ST3GAL3: variants seen among roughly 807,000 people sequenced by gnomAD.
ST3GAL3 encodes the protein ST3 beta-galactoside alpha-2,3-sialyltransferase 3, also known as CMP-N-acetylneuraminate-beta-1,4-galactoside alpha-2,3-sialyltransferase.
ST3GAL3 carries 21 observed loss-of-function variants against 50.1 expected under a neutral mutation model. The observed-to-expected ratio is 0.42, with a 90% CI of 0.30 to 0.60. The LOEUF is 0.60. Ranked by LOEUF, ST3GAL3 falls within the 20% of genes least tolerant of loss-of-function variation. ST3GAL3 has a pLI of 0.19. For synonymous variants in ST3GAL3, 183 were observed against 190.0 expected (o/e 0.96, Z 0.30); for missense variants, 353 against 489.4 (o/e 0.72, Z 2.63).
At chr1:43,887,507 T>G (rs562973056) in intron 5 of ST3GAL3, among the ~76,000 whole-genome samples, 2 of 152,256 alleles carry the variant, frequency 1.3e-5, no homozygotes, top group African/African-American at 4.8e-5. Flanking sequence ...TATTGGAGAT[T>G]AATATTTTCA....
chr1:43,766,782 CAG>C (rs1693208630), intron 2 of ST3GAL3, among the ~76,000 whole-genome samples: 1 of 152,182 alleles, frequency 6.6e-6, no homozygotes, highest in African/African-American at 2.4e-5. Flanking sequence ...ATTAACAACA[CAG>C]AGGTCTCTTC....
At chr1:43,862,953 A>G (rs2070376390) in intron 5 of ST3GAL3, among the ~76,000 whole-genome samples, 1 of 152,056 alleles carries the variant, frequency 6.6e-6, no homozygotes, top group South Asian at 2.1e-4. Flanking sequence ...GGCTCTAAGG[A>G]CATATTAAAT....
intron 5 of ST3GAL3, among the ~76,000 whole-genome samples, chr1:43,875,125 G>T (rs1410110975): frequency 1.3e-5 from 2 of 152,178 alleles, no homozygotes; most frequent in East Asian, 3.8e-4. Flanking sequence ...TATAATGATT[G>T]ATTTGGAATT....
intron 5 of ST3GAL3, among the ~76,000 whole-genome samples, chr1:43,853,174 G>A (rs1186691770): frequency 1.3e-5 from 2 of 152,144 alleles, no homozygotes; most frequent in African/African-American, 4.8e-5. Flanking sequence ...GGGCCACTCG[G>A]TATTGGGAGA....
chr1:43,924,817 G>A (rs2083625679), intron 11 of ST3GAL3, among the ~76,000 whole-genome samples: 2 of 152,220 alleles, frequency 1.3e-5, no homozygotes, highest in Non-Finnish European at 2.9e-5. Flanking sequence ...TAAGACCTAG[G>A]GATTGCCTTG....
chr1:43,923,986 C>A (rs1424886032), intron 11 of ST3GAL3, among the ~76,000 whole-genome samples: 1 of 152,042 alleles, frequency 6.6e-6, no homozygotes, highest in South Asian at 2.1e-4. Flanking sequence ...TCCCCAAAGG[C>A]CCCCACCTCC....
intron 5 of ST3GAL3, chr1:43,879,519 A>C (rs1250732022): frequency 4.8e-6 from 2 of 420,742 alleles, no homozygotes; most frequent in Non-Finnish European, 4.8e-6. Flanking sequence ...TAAGTGGGTG[A>C]ATTTAGAATA....
Position 43,734,797 on chromosome 1 carries a change from A to G in ST3GAL3, c.-30-1436A>G, listed in dbSNP as rs535632950. On this transcript the variant is annotated intron_variant, in intron 1 of 11. Coordinates refer to ENST00000347631, the MANE Select transcript of ST3GAL3 (RefSeq NM_006279.5). ...AATTATAATGTTTTGTCACACCATT[A>G]TTAATATTTATACATCATTTTTTTC... is the stretch of plus-strand genomic sequence containing the variant. 3.4e-4 allele frequency among the ~76,000 whole-genome samples: 51 copies of G among 152,198 alleles called. 1 individual carries two copies. Among genetic ancestry groups the G allele is most frequent in the African/African-American group, 1.2e-3 (48 of 41,530 alleles).
intron 1 of ST3GAL3, among the ~76,000 whole-genome samples, chr1:43,708,316 C>G (rs555358401): frequency 6.6e-6 from 1 of 152,288 alleles, no homozygotes; most frequent in Admixed American, 6.5e-5. Context: ...TTTATGATTC[C>G]TCAGTAAGCC....
At chr1:43,817,727 T>C (rs1205109089) in intron 4 of ST3GAL3, among the ~76,000 whole-genome samples, 2 of 100,722 alleles carry the variant, frequency 2.0e-5, no homozygotes, top group East Asian at 4.2e-4. Flanking sequence ...CTCCTTCTCC[T>C]CCTCCCCCTC....
chr1:43,758,174 A>AC (rs926600115), intron 2 of ST3GAL3, among the ~76,000 whole-genome samples: 45 of 74,038 alleles, frequency 6.1e-4, no homozygotes, highest in Middle Eastern at 6.2e-3. Flanking sequence ...CCCCCCCCCC[A>AC]AAAAAAAGGC....
At chr1:43,810,954 T>C (rs1185396296) in intron 3 of ST3GAL3, among the ~76,000 whole-genome samples, 1 of 152,094 alleles carries the variant, frequency 6.6e-6, no homozygotes, top group Non-Finnish European at 1.5e-5. Context: ...CCTTCCTATG[T>C]TTTGGTTATG....
Position 43,899,259 on chromosome 1 carries a change from G to T in ST3GAL3, c.553G>T (p.Val185Leu). ...GSRIDDYDIV[V>L]RLNSAPVKGF... is the part of the protein sequence containing the mutation. ...ACGAATTGACGACTATGACATTGTG[G>T]TGAGGTGAGCTCCCCAAAATGGCAC... is the stretch of plus-strand genomic sequence containing the variant. Residue 185 changes from valine to leucine, a missense_variant, in exon 8 of 12, where the codon GTG becomes TTG. Val to Leu is a conservative substitution (Grantham distance 32). Transcript: ENST00000347631. The surrounding 1 kb of genome is among the most constrained non-coding windows in gnomAD (Gnocchi z 5.4). 1 of 1,614,192 alleles carries T rather than the reference G, an allele frequency of 6.2e-7. No homozygotes were observed. The highest frequency in any genetic ancestry group is 8.5e-7 in the Non-Finnish European group (1 of 1,180,034).
At chr1:43,904,078 T>C (rs571931386) in intron 9 of ST3GAL3, among the ~76,000 whole-genome samples, 1 of 152,254 alleles carries the variant, frequency 6.6e-6, no homozygotes, top group East Asian at 1.9e-4. Context: ...GCAAAGCATT[T>C]TTCTGTCAGG....
intron 5 of ST3GAL3, among the ~76,000 whole-genome samples, chr1:43,890,127 A>G (rs931021015): frequency 6.6e-6 from 1 of 152,222 alleles, no homozygotes; most frequent in East Asian, 1.9e-4. Context: ...AAAAAAAATT[A>G]TAGTTAAAAT....
chr1:43,917,960 G>A lies in ST3GAL3; in HGVS notation c.745-2444G>A, dbSNP rs375579608. Among the ~76,000 whole-genome samples the A allele has an allele frequency of 2.6e-4, 39 of 151,074 alleles. No homozygotes were observed. In the East Asian group the frequency reaches 4.5e-3, roughly 17 times the overall value. ...TGGGATTACAGGTGTGAACCACCACGCCCAGCCTTATTTTGCGTATATTTT... is the reference window on the plus strand; with the variant it reads ...TGGGATTACAGGTGTGAACCACCACACCCAGCCTTATTTTGCGTATATTTT... On this transcript the variant is annotated intron_variant, in intron 9 of 11. Transcript: ENST00000347631.
chr1:43,816,121 C>T (rs1464205910), intron 4 of ST3GAL3, among the ~76,000 whole-genome samples: 2 of 152,198 alleles, frequency 1.3e-5, no homozygotes, highest in South Asian at 4.1e-4. Context: ...CCTGTGTCCC[C>T]TGCCCTGTAC....
intron 5 of ST3GAL3, among the ~76,000 whole-genome samples, chr1:43,859,669 C>T (rs146622021): frequency 9.7e-4 from 148 of 152,352 alleles, no homozygotes; most frequent in African/African-American, 3.4e-3. Flanking sequence ...TTGCCAGTTG[C>T]GGAACTTGCT....
intron 2 of ST3GAL3, among the ~76,000 whole-genome samples, chr1:43,759,478 G>A (rs1689485900): frequency 6.6e-6 from 1 of 152,136 alleles, no homozygotes; most frequent in South Asian, 2.1e-4. Context: ...AATGTTGAGG[G>A]AAGAGTCCAG....
Sources: gnomAD v4.1 joint callset for allele counts (sites outside exome capture counted in the v4.1 genomes callset) on GRCh38, gnomAD v4.1.1 for gene constraint, Gnocchi (gnomAD v3.1) non-coding constraint, MANE v1.5 for transcripts, NCBI Gene and HGNC (gene_info 2026-07-23, HGNC 2026-07-21) for gene names.